Variants in TEF observed in about 807,000 individuals in gnomAD.
TEF encodes thyrotroph embryonic factor.
A neutral mutation model predicts 20.8 loss-of-function variants in TEF; 3 were observed. The observed-to-expected ratio is 0.14, with a 90% confidence interval of 0.07 to 0.37. The LOEUF (loss-of-function observed/expected upper bound fraction) is 0.37, where lower values mean the gene tolerates loss of function less well. Ranked by LOEUF, TEF falls within the 10% of genes least tolerant of loss-of-function variation. The probability of loss-of-function intolerance (pLI) is 1.00; values close to 1 mark genes in which losing one functional copy is unlikely to be tolerated. For missense variants in TEF, 296 were observed against 397.9 expected (o/e 0.74, Z 2.18); for synonymous variants, 180 against 171.1 (o/e 1.05, Z -0.41).
At chr22:41,393,957 T>C in intron 2 of TEF, 139 bp from the exon 3 acceptor site, 1 of 650,838 alleles carries the variant, frequency 1.5e-6, no homozygotes, top group Non-Finnish European at 2.7e-6. Context: ...GCTTAGGGGC[T>C]GGTACTGTTG....
intron 2 of TEF, among the ~76,000 whole-genome samples, chr22:41,388,918 A>G (rs1055390436): frequency 6.6e-6 from 1 of 152,120 alleles, no homozygotes; most frequent in Non-Finnish European, 1.5e-5. Context: ...ATGAACCTCT[A>G]TGTAACCGTC....
At chr22:41,376,907 G>A (rs1057174573) in intron 1 of TEF, among the ~76,000 whole-genome samples, 1 of 152,226 alleles carries the variant, frequency 6.6e-6, no homozygotes, top group Non-Finnish European at 1.5e-5. Flanking sequence ...ATGGCCATGT[G>A]GCTGGGTCAG....
chr22:41,370,120 C>CCT (rs2036864628), intron 1 of TEF: 9 of 792,702 alleles, frequency 1.1e-5, no homozygotes, highest in African/African-American at 7.5e-5. Context: ...CTCTTTCCCC[C>CCT]TTTTTTTTTT....
chr22:41,367,548 GTCC>G, exon 1 of TEF: 1 of 1,551,340 alleles, frequency 6.4e-7, no homozygotes, highest in Non-Finnish European at 8.7e-7. Context: ...CATGCCTGAG[GTCC>G]TCAAGTCCCT....
At chr22:41,390,946 A>G (rs2037157841) in intron 2 of TEF, among the ~76,000 whole-genome samples, 1 of 151,888 alleles carries the variant, frequency 6.6e-6, no homozygotes, top group Non-Finnish European at 1.5e-5. Context: ...ACATCTTGCC[A>G]CTTGGTTGTT....
intron 1 of TEF, among the ~76,000 whole-genome samples, chr22:41,372,734 C>G (rs1209096695): frequency 2.6e-5 from 4 of 151,954 alleles, no homozygotes; most frequent in Non-Finnish European, 4.4e-5. Context: ...TGTTTGGATT[C>G]TAGAGGGGAG....
At chr22:41,376,831 G>A (rs914427152) in intron 1 of TEF, among the ~76,000 whole-genome samples, 6 of 152,186 alleles carry the variant, frequency 3.9e-5, no homozygotes, top group Admixed American at 6.5e-5. Context: ...CCTGTGAGGC[G>A]GGCGTATCCA....
At chr22:41,368,230 G>A (rs2036843380) in intron 1 of TEF, among the ~76,000 whole-genome samples, 1 of 152,112 alleles carries the variant, frequency 6.6e-6, no homozygotes, top group South Asian at 2.1e-4. Context: ...GAACCCCATG[G>A]CCAGATTAGT....
chr22:41,371,508 T>A (rs543519398), intron 1 of TEF, among the ~76,000 whole-genome samples: 26 of 152,312 alleles, frequency 1.7e-4, no homozygotes, highest in Admixed American at 2.6e-4. Flanking sequence ...TCTCTCTCCA[T>A]CTCCAGACTT....
chr22:41,388,204 G>A (rs1406954897), intron 2 of TEF, among the ~76,000 whole-genome samples: 2 of 151,574 alleles, frequency 1.3e-5, no homozygotes, highest in Admixed American at 1.3e-4. Flanking sequence ...CATCATGTTG[G>A]CCAGGCTGGT....
chr22:41,385,299 G>A (rs2037084266), intron 1 of TEF, among the ~76,000 whole-genome samples: 1 of 152,112 alleles, frequency 6.6e-6, no homozygotes, highest in Non-Finnish European at 1.5e-5. Flanking sequence ...GGCGAAGGTT[G>A]TGGTGAGCTG....
At chr22:41,386,302 G>A (rs897592769) in intron 1 of TEF, among the ~76,000 whole-genome samples, 4 of 152,034 alleles carry the variant, frequency 2.6e-5, no homozygotes, top group Non-Finnish European at 4.4e-5. Flanking sequence ...TTAATCAGGC[G>A]TGGTGCCGCA....
chr22:41,369,839 G>A (rs995933520), intron 1 of TEF: 7 of 948,716 alleles, frequency 7.4e-6, no homozygotes, highest in South Asian at 4.9e-5. Flanking sequence ...TCAGGTCCGC[G>A]TGCCCTTGCT....
intron 1 of TEF, among the ~76,000 whole-genome samples, chr22:41,376,024 G>GT (rs1242446015): frequency 6.6e-6 from 1 of 152,114 alleles, no homozygotes; most frequent in Non-Finnish European, 1.5e-5. Flanking sequence ...CCCATTTTCA[G>GT]TAAGCCAGAA....
At chr22:41,378,668 C>T (rs1209158914), upstream of TEF, among the ~76,000 whole-genome samples, 1 of 151,310 alleles carries the variant, frequency 6.6e-6, no homozygotes, top group Admixed American at 6.6e-5. Flanking sequence ...GACAGGGTTT[C>T]ACCACGTTGG....
At position 41,399,008 on chromosome 22, in the gene TEF, T is replaced by TA. The variant is rs796516018; in HGVS notation, c.*3049dup. 6.5e-6 allele frequency: 1 copy of TA among 152,838 alleles called. No individual in the cohort carries two copies. Among genetic ancestry groups the TA allele is most frequent in the South Asian group, 2.1e-4 (1 of 4,832 alleles). The allele number at this position is 152,838 out of a possible 1,614,324, so 9.5% of individuals were successfully genotyped here. ...GACTTCCAGGTGGATATTGCTCTCT[T>TA]ACGGTGTTGGGGATGCCAGAACACC... On this transcript the variant is annotated 3_prime_UTR_variant, in exon 4 of 4. Coordinates refer to ENST00000266304, the MANE Select transcript of TEF (RefSeq NM_003216.4).
chr22:41,383,392 G>A (rs1462842794), intron 1 of TEF, among the ~76,000 whole-genome samples: 1 of 152,184 alleles, frequency 6.6e-6, no homozygotes, highest in African/African-American at 2.4e-5. Context: ...TGCAGGGACA[G>A]GTGTACACAT....
chr22:41,375,020 C>A (rs192987678), intron 1 of TEF, among the ~76,000 whole-genome samples: 1 of 152,302 alleles, frequency 6.6e-6, no homozygotes, highest in East Asian at 1.9e-4. Context: ...GGGGGTCTGG[C>A]TCCAGAGGCC....
Position 41,398,016 on chromosome 22 carries a change from C to A in TEF, c.*2056C>A, listed in dbSNP as rs1032120001. ...ATGTGTCTCCTCTTTATCCCGCCCT[C>A]TGCCTGTTTGGTGCCCTCCCTTCTT... On this transcript the variant is annotated 3_prime_UTR_variant, in exon 4 of 4. Coordinates refer to ENST00000266304, the MANE Select transcript of TEF (RefSeq NM_003216.4). 52 of 152,326 alleles carry A rather than the reference C, an allele frequency of 3.4e-4. No homozygotes were observed. Among genetic ancestry groups the A allele is most frequent in the African/African-American group, 1.2e-3 (51 of 41,558 alleles). The allele number at this position is 152,326 out of a possible 1,614,324, so 9.4% of individuals were successfully genotyped here.
Sources: gnomAD v4.1 joint callset for allele counts (sites outside exome capture counted in the v4.1 genomes callset) on GRCh38, gnomAD v4.1.1 for gene constraint, MANE v1.5 for transcripts, NCBI Gene and HGNC (gene_info 2026-07-23, HGNC 2026-07-21) for gene names.